The following NDUFAF5 variants were observed in gnomAD, a reference collection of about 807,000 sequenced individuals.
NDUFAF5 encodes NADH:ubiquinone oxidoreductase complex assembly factor 5, also known as arginine-hydroxylase NDUFAF5, mitochondrial.
A neutral mutation model predicts 48.9 loss-of-function variants in NDUFAF5; 34 were observed. The ratio of observed to expected loss-of-function variants is 0.70; its 90% CI spans 0.53 to 0.93. The LOEUF is 0.93. Among genes scored for constraint, NDUFAF5 ranks in the 40% least tolerant of loss-of-function variants. NDUFAF5 has a pLI of 0.00. For synonymous variants in NDUFAF5, 153 were observed against 150.6 expected (o/e 1.02, Z -0.12); for missense variants, 428 against 427.5 (o/e 1.00, Z -0.01).
At chr20:13,798,652 G>A (rs1053552431) in intron 6 of NDUFAF5, 152 bp downstream of exon 6, 3 of 692,970 alleles carry the variant, frequency 4.3e-6, no homozygotes, top group African/African-American at 3.6e-5. Flanking sequence ...TGGCATATTA[G>A]TAGTACATTG....
At position 13,797,271 on chromosome 20, in the gene NDUFAF5, C is replaced by T. The variant is rs535304463; in HGVS notation, c.480-1190C>T. 3.3e-5 allele frequency among the ~76,000 whole-genome samples: 5 copies of T among 152,292 alleles called. No homozygotes were observed. The East Asian group carries it at 9.6e-4, about 29-fold the overall frequency. ...TTTACCCAAAGGAGATGAAAACTTACGTCCACGCAAAAACCTGCACACAAA... is the reference window on the plus strand; with the variant it reads ...TTTACCCAAAGGAGATGAAAACTTATGTCCACGCAAAAACCTGCACACAAA... On this transcript the variant is annotated intron_variant, in intron 5 of 10. Transcript: ENST00000378106.
rs150613320 is a variant in NDUFAF5, at chr20:13,788,652, G to C, written c.327G>C (p.Lys109Asn). ...GRGYIAQYLN[K>N]ETIGKFFQAD... ...GTTACATTGCACAATATTTGAATAA[G>C]GTATATTTATTCAATGACCTAATTT... The change falls in exon 3 of 11, where the codon AAG becomes AAC. Residue 109 changes from lysine to asparagine, a missense_variant and splice_region_variant. Transcript: ENST00000378106. 4.7e-4 allele frequency: 752 copies of C among 1,593,234 alleles called. No individual in the cohort carries two copies. The highest frequency in any genetic ancestry group is 5.9e-4 in the Non-Finnish European group (688 of 1,161,702).
chr20:13,789,990 T>C (rs1982007904), intron 3 of NDUFAF5, among the ~76,000 whole-genome samples: 1 of 152,334 alleles, frequency 6.6e-6, no homozygotes, highest in South Asian at 2.1e-4. Flanking sequence ...GCACAGAATC[T>C]GACCTGGGAT....
intron 8 of NDUFAF5, 29 bp from the exon 9 acceptor site, chr20:13,816,434 A>G (rs1358444091): frequency 1.3e-6 from 2 of 1,529,044 alleles, no homozygotes; most frequent in Non-Finnish European, 1.8e-6. Context: ...TTGCTGTATT[A>G]TCTCAAACTA....
chr20:13,800,855 C>T (rs549856708), intron 6 of NDUFAF5, among the ~76,000 whole-genome samples: 2 of 152,284 alleles, frequency 1.3e-5, no homozygotes, highest in South Asian at 2.1e-4. Context: ...TTTGGAGGGC[C>T]TCGGTGCACA....
chr20:13,788,200 C>A (rs1309415993), intron 2 of NDUFAF5, among the ~76,000 whole-genome samples: 1 of 152,148 alleles, frequency 6.6e-6, no homozygotes, highest in African/African-American at 2.4e-5. Context: ...TCTAAGTATT[C>A]CACTGCTTCA....
chr20:13,785,411 C>T, intron 1 of NDUFAF5, 121 bp downstream of exon 1: 2 of 802,948 alleles, frequency 2.5e-6, no homozygotes, highest in East Asian at 2.7e-5. Context: ...ACCAGCAGCC[C>T]TGCCTCTTTC....
intron 7 of NDUFAF5, 64 bp downstream of exon 7, chr20:13,801,747 A>C (rs1007653618): frequency 2.1e-6 from 3 of 1,422,412 alleles, no homozygotes; most frequent in Non-Finnish European, 3.0e-6. Context: ...TTATCATTTT[A>C]AAGATAGAAA....
intron 7 of NDUFAF5, 185 bp downstream of exon 7, chr20:13,801,868 C>G (rs752739802): frequency 1.4e-5 from 8 of 580,574 alleles, no homozygotes; most frequent in Non-Finnish European, 2.4e-5. Flanking sequence ...TCTTAATTGA[C>G]ACAAGGTAGG....
intron 8 of NDUFAF5, chr20:13,814,102 G>GT (rs916954279): frequency 1.3e-5 from 3 of 225,454 alleles, no homozygotes; most frequent in Non-Finnish European, 2.7e-5. Context: ...CCAGGCAGAA[G>GT]TTAAGTAACT....
intron 6 of NDUFAF5, 139 bp from the exon 7 acceptor site, chr20:13,801,343 GTTAT>G (rs1448191956): frequency 5.9e-6 from 3 of 507,684 alleles, no homozygotes; most frequent in East Asian, 3.4e-5. Context: ...TGCATTAGAT[GTTAT>G]TTGTTAAATT....
At chr20:13,785,735 G>C (rs1000808005) in intron 1 of NDUFAF5, among the ~76,000 whole-genome samples, 1 of 152,134 alleles carries the variant, frequency 6.6e-6, no homozygotes, top group Non-Finnish European at 1.5e-5. Context: ...AAATACACAC[G>C]AGTATAGTGA....
rs149905695 is a variant in NDUFAF5, at chr20:13,809,401, A to C, written c.778+499A>C. 2.0e-5 allele frequency among the ~76,000 whole-genome samples: 3 copies of C among 152,360 alleles called. No individual in the cohort carries two copies. The East Asian group carries it at 5.8e-4, about 29-fold the overall frequency. On this transcript the variant is annotated intron_variant, in intron 8 of 10. Transcript: ENST00000378106. ...AGCAATTGAGCTGTGCTCTAAAAAA[A>C]AATGGAGATGAATTAACTGGGTAGA...
chr20:13,789,365 A>G (rs1051425049), intron 3 of NDUFAF5, among the ~76,000 whole-genome samples: 7 of 151,996 alleles, frequency 4.6e-5, no homozygotes, highest in African/African-American at 1.2e-4. Context: ...GGGTTTCACC[A>G]TGTTGGCAAG....
chr20:13,790,097 A>G (rs1462680008), intron 3 of NDUFAF5, among the ~76,000 whole-genome samples: 2 of 152,118 alleles, frequency 1.3e-5, no homozygotes, highest in Non-Finnish European at 2.9e-5. Flanking sequence ...TGATATAGTG[A>G]TGTTTAAGGA....
In NDUFAF5 at chr20:13,798,516, T is replaced by G. The variant is rs765342081; in HGVS notation, c.519+16T>G. Reference sequence around the variant, plus strand: ...ACTTGAGCAGGTAAGAAAACTTATGTTCATTCAACTATCTTGTGTTATTTT... The same window carrying G: ...ACTTGAGCAGGTAAGAAAACTTATGGTCATTCAACTATCTTGTGTTATTTT... On this transcript the variant is annotated intron_variant, in intron 6 of 10. Transcript: ENST00000378106. 8 of 1,574,904 alleles carry G rather than the reference T, an allele frequency of 5.1e-6. No individual in the cohort carries two copies. Among genetic ancestry groups the G allele is most frequent in the African/African-American group, 4.0e-5 (3 of 74,092 alleles).
rs1305082409 is a variant in NDUFAF5, at chr20:13,796,329, G to A, written c.479+1388G>A. On this transcript the variant is annotated intron_variant, in intron 5 of 10. Transcript: ENST00000378106. ...TGTCATGAAATGAAAAATATGCAGA[G>A]CCTTGGTCTATAAAGAACCCTGGGC... is the stretch of plus-strand genomic sequence containing the variant. Among the ~76,000 whole-genome samples, 3 of 152,156 alleles carry A rather than the reference G, an allele frequency of 2.0e-5. No homozygotes were observed. The East Asian group carries it at 5.8e-4, about 29-fold the overall frequency.
intron 6 of NDUFAF5, among the ~76,000 whole-genome samples, chr20:13,799,628 G>A (rs1983806753): frequency 6.6e-6 from 1 of 151,866 alleles, no homozygotes; most frequent in African/African-American, 2.4e-5. Context: ...GAACACGGGA[G>A]GCAGAGGTTG....
At position 13,801,560 on chromosome 20, in the gene NDUFAF5, G is replaced by A. The variant is rs778890532; in HGVS notation, c.594G>A (p.Arg198=). Residue 198 remains arginine, a synonymous_variant, in exon 7 of 11, where the codon CGG becomes CGA. Transcript: ENST00000378106. The stretch of plus-strand genomic sequence containing the variant: ...GAGGCGACACACTCTATGAACTTCG[G>A]TGTTCCTTACAGTTAGCGGAAACGG... ...MFGGDTLYEL[R]CSLQLAETER... 2.1e-5 allele frequency: 34 copies of A among 1,613,838 alleles called. No individual in the cohort carries two copies. The highest frequency in any genetic ancestry group is 5.1e-6 in the Non-Finnish European group (6 of 1,179,960).
Sources: allele counts gnomAD v4.1 joint callset (sites outside exome capture counted in the v4.1 genomes callset), GRCh38; gene constraint gnomAD v4.1.1; transcripts MANE v1.5; gene names NCBI Gene and HGNC (gene_info 2026-07-23, HGNC 2026-07-21).